CCDC148: variants seen among roughly 807,000 people sequenced by gnomAD.
The protein encoded by CCDC148 is coiled-coil domain-containing protein 148.
Under a neutral mutation model 85.7 loss-of-function variants are expected in CCDC148, and 89 were observed. That is an observed-to-expected ratio of 1.04 (90% CI 0.87 to 1.24). The LOEUF is 1.24. CCDC148 is among the 50% of genes most tolerant of loss of function. The probability of loss-of-function intolerance (pLI) is 0.00; values close to 1 mark genes in which losing one functional copy is unlikely to be tolerated. For missense variants in CCDC148, 692 were observed against 671.7 expected (o/e 1.03, Z -0.33); for synonymous variants, 230 against 213.9 (o/e 1.08, Z -0.66).
At chr2:158,442,591 C>A (rs1364247269) in intron 1 of CCDC148, among the ~76,000 whole-genome samples, 1 of 152,096 alleles carries the variant, frequency 6.6e-6, no homozygotes, top group Non-Finnish European at 1.5e-5. Context: ...CATTTGCATC[C>A]CAGGATGATA....
chr2:158,366,610 G>A (rs1361467776), intron 1 of CCDC148, among the ~76,000 whole-genome samples: 2 of 152,096 alleles, frequency 1.3e-5, no homozygotes, highest in East Asian at 1.9e-4. Context: ...GGGGCAGCCC[G>A]TACCCAGTGA....
intron 11 of CCDC148, among the ~76,000 whole-genome samples, chr2:158,200,223 T>G (rs1685886898): frequency 6.6e-6 from 1 of 152,212 alleles, no homozygotes; most frequent in South Asian, 2.1e-4. Context: ...ACAGACCCAT[T>G]TTTTCCCATG....
At chr2:158,369,057 C>T (rs558431113) in intron 1 of CCDC148, among the ~76,000 whole-genome samples, 78 of 152,038 alleles carry the variant, frequency 5.1e-4, no homozygotes, top group Non-Finnish European at 8.8e-4. Context: ...AGTCAATCAC[C>T]CCATGACGGT....
At chr2:158,284,566 T>C (rs921075020) in intron 9 of CCDC148, among the ~76,000 whole-genome samples, 1 of 152,142 alleles carries the variant, frequency 6.6e-6, no homozygotes, top group African/African-American at 2.4e-5. Flanking sequence ...TGAAGGAATC[T>C]GAGTGAAAAA....
intron 1 of CCDC148, among the ~76,000 whole-genome samples, chr2:158,455,329 C>T (rs970569835): frequency 2.0e-5 from 3 of 151,888 alleles, no homozygotes; most frequent in Non-Finnish European, 4.4e-5. Flanking sequence ...TGTTTTGTTC[C>T]ACAGTCCTAC....
chr2:158,380,250 G>A (rs1244154984), intron 1 of CCDC148, among the ~76,000 whole-genome samples: 1 of 152,108 alleles, frequency 6.6e-6, no homozygotes, highest in East Asian at 1.9e-4. Flanking sequence ...TGATCATAGG[G>A]GATTGGTTAC....
intron 1 of CCDC148, among the ~76,000 whole-genome samples, chr2:158,388,905 T>A (rs2105295060): frequency 6.6e-6 from 1 of 152,318 alleles, no homozygotes; most frequent in East Asian, 1.9e-4. Flanking sequence ...AAATATCATC[T>A]GAAAATATTA....
chr2:158,225,370 T>C (rs4505473), intron 10 of CCDC148, among the ~76,000 whole-genome samples: 99,785 of 151,772 alleles, frequency 0.66, 33,975 homozygotes, highest in East Asian at 0.89. Flanking sequence ...ACTTAAACAC[T>C]CCACTGTCAA....
intron 1 of CCDC148, among the ~76,000 whole-genome samples, chr2:158,452,450 G>A (rs1409675494): frequency 1.3e-5 from 2 of 152,130 alleles, no homozygotes; most frequent in Non-Finnish European, 2.9e-5. Context: ...CAGAAAAGCA[G>A]GAGGGAAAAA....
intron 1 of CCDC148, among the ~76,000 whole-genome samples, chr2:158,403,217 C>G (rs1428120785): frequency 1.3e-5 from 2 of 151,548 alleles, no homozygotes; most frequent in Admixed American, 1.3e-4. Context: ...CCTGTATTTG[C>G]AAGTTAAACA....
At chr2:158,396,657 C>A (rs1314730549) in intron 1 of CCDC148, among the ~76,000 whole-genome samples, 1 of 152,088 alleles carries the variant, frequency 6.6e-6, no homozygotes, top group Non-Finnish European at 1.5e-5. Flanking sequence ...TTCAACTCTA[C>A]AAGAGAAATA....
chr2:158,334,336 C>T lies in CCDC148; in HGVS notation c.764+4390G>A, dbSNP rs1042765551. On this transcript the variant is annotated intron_variant, in intron 7 of 13. Transcript: ENST00000283233. ...GGAAGCATTTTGTGCTGCGGTCTCA[C>T]TTATTTGATAGATCAAAGACATCTG... 9.9e-5 allele frequency among the ~76,000 whole-genome samples: 15 copies of T among 152,216 alleles called. No individual in the cohort carries two copies. The East Asian group carries it at 1.4e-3, about 14-fold the overall frequency.
At chr2:158,437,202 G>T (rs1207757239) in intron 1 of CCDC148, among the ~76,000 whole-genome samples, 1 of 152,150 alleles carries the variant, frequency 6.6e-6, no homozygotes, top group Non-Finnish European at 1.5e-5. Context: ...CAATATCCCT[G>T]ATGAACATTG....
At chr2:158,437,340 T>G (rs1356391539) in intron 1 of CCDC148, among the ~76,000 whole-genome samples, 1 of 152,182 alleles carries the variant, frequency 6.6e-6, no homozygotes, top group East Asian at 1.9e-4. Context: ...AATCAATAAA[T>G]GTAATACCTC....
At chr2:158,456,322 G>T in intron 1 of CCDC148, 93 bp downstream of exon 1, 1 of 1,273,492 alleles carries the variant, frequency 7.9e-7, no homozygotes, top group Non-Finnish European at 1.1e-6. Flanking sequence ...CAGGGAAGGG[G>T]GAGTGGCTGC....
intron 1 of CCDC148, among the ~76,000 whole-genome samples, chr2:158,408,533 T>C (rs1686121466): frequency 6.6e-6 from 1 of 152,152 alleles, no homozygotes; most frequent in South Asian, 2.1e-4. Flanking sequence ...TCCTCCAGTT[T>C]CATCCATGTA....
intron 1 of CCDC148, among the ~76,000 whole-genome samples, chr2:158,359,459 T>G (rs1451373661): frequency 2.0e-5 from 3 of 152,108 alleles, no homozygotes; most frequent in Non-Finnish European, 4.4e-5. Context: ...GTGGGTGATT[T>G]CTGCATTTCC....
At chr2:158,384,313 G>A (rs1429252867) in intron 1 of CCDC148, among the ~76,000 whole-genome samples, 2 of 152,114 alleles carry the variant, frequency 1.3e-5, no homozygotes, top group African/African-American at 4.8e-5. Flanking sequence ...GCATAGATTT[G>A]TTTTATTCAA....
intron 7 of CCDC148, among the ~76,000 whole-genome samples, chr2:158,337,040 T>C (rs41407646): frequency 0.038 from 5,852 of 152,294 alleles, 173 homozygotes; most frequent in Non-Finnish European, 0.063. Context: ...GTAATTTTAA[T>C]GTAGCTGTGA....
Sources: allele counts gnomAD v4.1 joint callset (sites outside exome capture counted in the v4.1 genomes callset), GRCh38; gene constraint gnomAD v4.1.1; transcripts MANE v1.5; gene names NCBI Gene and HGNC (gene_info 2026-07-23, HGNC 2026-07-21).